The following NANOGNB variants were observed in gnomAD, a reference collection of about 807,000 sequenced individuals.
The protein encoded by NANOGNB is NANOG neighbor homeobox.
Under a neutral mutation model 25.0 loss-of-function variants are expected in NANOGNB, and 30 were observed. The ratio of observed to expected loss-of-function variants is 1.20; its 90% CI spans 0.90 to 1.63. NANOGNB has a LOEUF of 1.63. NANOGNB is among the 40% of genes most tolerant of loss of function. The probability of loss-of-function intolerance (pLI) is 0.00; values close to 1 mark genes in which losing one functional copy is unlikely to be tolerated. For synonymous variants in NANOGNB, 84 were observed against 62.1 expected (o/e 1.35, Z -1.66); for missense variants, 200 against 188.1 (o/e 1.06, Z -0.37).
At chr12:7,769,458 A>T (rs1865273194) in intron 1 of NANOGNB, among the ~76,000 whole-genome samples, 1 of 151,680 alleles carries the variant, frequency 6.6e-6, no homozygotes, top group Non-Finnish European at 1.5e-5. Context: ...AAGTAGCTGG[A>T]ACTACAGGTG....
intron 1 of NANOGNB, among the ~76,000 whole-genome samples, chr12:7,766,464 C>T (rs145290427): frequency 2.5e-4 from 38 of 152,320 alleles, no homozygotes; most frequent in African/African-American, 8.9e-4. Context: ...CAGAGTGAGA[C>T]TCCGTCTCAA....
chr12:7,769,796 G>T (rs1865275527), intron 1 of NANOGNB, among the ~76,000 whole-genome samples, 187 bp from the exon 2 acceptor site: 1 of 152,208 alleles, frequency 6.6e-6, no homozygotes, highest in African/African-American at 2.4e-5. Flanking sequence ...AAAGTGCTGG[G>T]ATTACAGGCA....
Position 7,768,472 on chromosome 12 carries a change from A to G in NANOGNB, c.103-1511A>G, listed in dbSNP as rs140308832. Among the ~76,000 whole-genome samples, 120 of 151,654 alleles carry G rather than the reference A, an allele frequency of 7.9e-4. 2 individuals are homozygous for G. The highest frequency in any genetic ancestry group is 6.9e-3 in the Middle Eastern group (2 of 290). On this transcript the variant is annotated intron_variant, in intron 1 of 3. Coordinates refer to ENST00000382119, the MANE Select transcript of NANOGNB (RefSeq NM_001145465.1). ...GCAACTTGGGTAGGCTATAGACCCC[A>G]GTTATTCAATCAAACACTAGGTGCC...
Position 7,770,492 on chromosome 12 carries a change from G to A in NANOGNB, c.489G>A (p.Lys163=). 1 of 1,518,122 alleles carries A rather than the reference G, an allele frequency of 6.6e-7. No homozygotes were observed. Among genetic ancestry groups the A allele is most frequent in the Non-Finnish European group, 8.9e-7 (1 of 1,120,058 alleles). The allele number at this position is 1,518,122 out of a possible 1,614,324, so 94.0% of individuals were successfully genotyped here. Residue 163 remains lysine (K), a synonymous_variant, in exon 3 of 4, where the codon AAG becomes AAA. Coordinates refer to ENST00000382119, the MANE Select transcript of NANOGNB (RefSeq NM_001145465.1). The part of the protein sequence containing the change: ...TRKKYNKEMS[K]RKHKKKHMRW... ...AGAAATATAATAAAGAAATGTCCAA[G>A]AGAAAGCATAAGAAAAAACATATGA...
Position 7,773,792 on chromosome 12 carries a change from T to TG in NANOGNB, c.516-8_516-7insG. 1.6e-6 allele frequency: 1 copy of TG among 645,122 alleles called. No homozygotes were observed. Among genetic ancestry groups the TG allele is most frequent in the Non-Finnish European group, 2.7e-6 (1 of 364,556 alleles). 40.0% of individuals were successfully genotyped at this position (645,122 alleles called of 1,614,324 possible). On this transcript the variant is annotated splice_polypyrimidine_tract_variant and splice_region_variant and intron_variant, in intron 3 of 3. Transcript: ENST00000382119. The stretch of plus-strand genomic sequence containing the variant: ...GAAACTCTTTTTTTTTTTTTTTTTT[T>TG]TAAACAGATGGAGATCTCTGTGTTG...
chr12:7,772,694 G>A (rs1016994481), intron 3 of NANOGNB, among the ~76,000 whole-genome samples: 6 of 147,806 alleles, frequency 4.1e-5, no homozygotes, highest in Non-Finnish European at 7.4e-5. Context: ...AGCAGTTCTC[G>A]TGCATTAGCC....
chr12:7,771,755 G>A (rs1482089245), intron 3 of NANOGNB, among the ~76,000 whole-genome samples: 1 of 152,054 alleles, frequency 6.6e-6, no homozygotes, highest in Admixed American at 6.6e-5. Context: ...CGAGTAGCCG[G>A]GGTTACAGGC....
chr12:7,772,302 C>CGG (rs1862578782), intron 3 of NANOGNB, among the ~76,000 whole-genome samples: 1 of 151,482 alleles, frequency 6.6e-6, no homozygotes, highest in African/African-American at 2.4e-5. Context: ...TTTTTCGAGA[C>CGG]AGTCTCACTC....
At chr12:7,769,674 C>T (rs1344480100) in intron 1 of NANOGNB, among the ~76,000 whole-genome samples, 4 of 151,916 alleles carry the variant, frequency 2.6e-5, no homozygotes, top group Non-Finnish European at 5.9e-5. Flanking sequence ...GCTACGGGCA[C>T]GTGCCACCAT....
Position 7,770,077 on chromosome 12 carries a change from A to G in NANOGNB, c.197A>G (p.Glu66Gly). 2.6e-6 allele frequency: 4 copies of G among 1,543,966 alleles called. No homozygotes were observed. The highest frequency in any genetic ancestry group is 2.4e-5 in the East Asian group (1 of 40,890). The stretch of plus-strand genomic sequence containing the variant: ...AATGGAAAGCAGAAATGGAGAGAAG[A>G]AGGAGAAGCAGGCAGAAAGAGAGAA... ...EQNGKQKWRE[E>G]GEAGRKRERE... is the part of the protein sequence containing the mutation. The change falls in exon 2 of 4, where the codon GAA becomes GGA. Residue 66 changes from glutamate to glycine, a missense_variant. By Grantham distance (98) the Glu-to-Gly change is moderately conservative (BLOSUM62 -2). Coordinates refer to ENST00000382119, the MANE Select transcript of NANOGNB (RefSeq NM_001145465.1).
intron 1 of NANOGNB, among the ~76,000 whole-genome samples, chr12:7,765,895 T>C (rs1217888152): frequency 6.6e-6 from 1 of 151,988 alleles, no homozygotes; most frequent in Non-Finnish European, 1.5e-5. Flanking sequence ...GAAAATAATC[T>C]CCCTTTTGGG....
intron 1 of NANOGNB, among the ~76,000 whole-genome samples, chr12:7,767,281 A>T (rs1865254026): frequency 6.6e-6 from 1 of 152,212 alleles, no homozygotes; most frequent in Admixed American, 6.6e-5. Flanking sequence ...CAAAGAACAC[A>T]TACAGAGAAC....
In NANOGNB at chr12:7,765,267, T is replaced by C. The variant is rs1865234541; in HGVS notation, c.-19T>C. Reference sequence around the variant, plus strand: ...TGTAACCTCCCTACCAAGGACTAATTGGTCTTTAAAACTCCTCAATGCACC... The same window carrying C: ...TGTAACCTCCCTACCAAGGACTAATCGGTCTTTAAAACTCCTCAATGCACC... On this transcript the variant is annotated 5_prime_UTR_variant, in exon 1 of 4. Coordinates refer to ENST00000382119, the MANE Select transcript of NANOGNB (RefSeq NM_001145465.1). The C allele has an allele frequency of 7.8e-7, 1 of 1,288,398 alleles. No homozygotes were observed. The highest frequency in any genetic ancestry group is 1.0e-6 in the Non-Finnish European group (1 of 987,992). The allele number at this position is 1,288,398 out of a possible 1,614,324, so 79.8% of individuals were successfully genotyped here. A position where few individuals can be genotyped will look rare whatever the true frequency, so the allele number is the denominator to read the frequency against.
chr12:7,770,117 A>G lies in NANOGNB; in HGVS notation c.237A>G (p.Glu79=). 6.5e-7 allele frequency: 1 copy of G among 1,545,090 alleles called. No homozygotes were observed. The highest frequency in any genetic ancestry group is 1.4e-5 in the African/African-American group (1 of 72,898). The part of the protein sequence containing the change: ...AGRKREREKE[E]KNEKELQDEQ... ...GAAAGAGAGAACGAGAAAAAGAAGA[A>G]AAAAACGAAAAGGAGCTGCAAGATG... Residue 79 remains glutamate, a synonymous_variant, in exon 2 of 4, where the codon GAA becomes GAG. Coordinates refer to ENST00000382119, the MANE Select transcript of NANOGNB (RefSeq NM_001145465.1).
chr12:7,772,287 C>CT (rs1238484696), intron 3 of NANOGNB, among the ~76,000 whole-genome samples: 8 of 150,794 alleles, frequency 5.3e-5, no homozygotes, highest in South Asian at 4.2e-4. Flanking sequence ...TACATGGGCT[C>CT]TTTTTTTTTC....
chr12:7,769,871 C>A, intron 1 of NANOGNB, 112 bp from the exon 2 acceptor site: 1 of 858,662 alleles, frequency 1.2e-6, no homozygotes, highest in Non-Finnish European at 1.8e-6. Context: ...CAATGTACAA[C>A]ATTGCTAATT....
intron 1 of NANOGNB, among the ~76,000 whole-genome samples, chr12:7,765,743 G>A (rs61938710): frequency 0.024 from 3,622 of 152,108 alleles, 68 homozygotes; most frequent in Admixed American, 0.051. Flanking sequence ...CTAAGATAGA[G>A]AGGCCTGAGT....
rs115063182 is a variant in NANOGNB, at chr12:7,773,738, A to T, written c.516-62A>T. On this transcript the variant is annotated intron_variant, in intron 3 of 3. Transcript: ENST00000382119. ...GAAACTCCATCTCAAAAAAAAATTTAAAATAAATAAATATATAGACTGTGT... is the reference window on the plus strand; with the variant it reads ...GAAACTCCATCTCAAAAAAAAATTTTAAATAAATAAATATATAGACTGTGT... The T allele has an allele frequency of 2.8e-3, 1,578 of 557,716 alleles. 24 individuals are homozygous for T. Among genetic ancestry groups the T allele is most frequent in the African/African-American group, 0.027 (1,337 of 49,388 alleles). The allele number at this position is 557,716 out of a possible 1,614,324, so 34.5% of individuals were successfully genotyped here. A position where few individuals can be genotyped will look rare whatever the true frequency, so the allele number is the denominator to read the frequency against.
At chr12:7,769,403 A>T (rs1452520585) in intron 1 of NANOGNB, among the ~76,000 whole-genome samples, 1 of 151,548 alleles carries the variant, frequency 6.6e-6, no homozygotes, top group East Asian at 1.9e-4. Flanking sequence ...GCCCACTGCA[A>T]CCTCTGCCTC....
Sources: allele counts gnomAD v4.1 joint callset (sites outside exome capture counted in the v4.1 genomes callset), GRCh38; gene constraint gnomAD v4.1.1; transcripts MANE v1.5; gene names NCBI Gene and HGNC (gene_info 2026-07-23, HGNC 2026-07-21).